The following ITGBL1 variants were observed in gnomAD, a reference collection of about 807,000 sequenced individuals.
ITGBL1 encodes the protein integrin beta-like protein 1.
ITGBL1 carries 51 observed loss-of-function variants against 68.5 expected under a neutral mutation model. That is an observed-to-expected ratio of 0.74 (90% CI 0.59 to 0.94). ITGBL1 has a LOEUF of 0.94. ITGBL1 is among the 40% of genes least tolerant of loss of function. The pLI, the probability that ITGBL1 is intolerant of heterozygous loss-of-function variation, is 0.00. For synonymous variants in ITGBL1, 209 were observed against 227.3 expected (o/e 0.92, Z 0.72); for missense variants, 649 against 647.4 (o/e 1.00, Z -0.03).
chr13:101,643,629 C>T (rs999084618), intron 7 of ITGBL1, among the ~76,000 whole-genome samples: 1 of 152,078 alleles, frequency 6.6e-6, no homozygotes, highest in South Asian at 2.1e-4. Context: ...TTCATTTTCT[C>T]ATATGTAATC....
chr13:101,621,023 G>A (rs1293146053), intron 7 of ITGBL1, among the ~76,000 whole-genome samples: 2 of 152,172 alleles, frequency 1.3e-5, no homozygotes, highest in African/African-American at 4.8e-5. Context: ...TGAAGATGGA[G>A]CAGGTGCTGT....
chr13:101,607,531 T>A (rs929002854), intron 7 of ITGBL1, among the ~76,000 whole-genome samples: 1 of 152,026 alleles, frequency 6.6e-6, no homozygotes, highest in African/African-American at 2.4e-5. Context: ...AAGTTCTAAA[T>A]GCCATAATTT....
intron 6 of ITGBL1, among the ~76,000 whole-genome samples, chr13:101,586,041 C>A (rs986504654): frequency 2.0e-5 from 3 of 152,102 alleles, no homozygotes; most frequent in Non-Finnish European, 2.9e-5. Flanking sequence ...CACTCCTGAA[C>A]TGACACTTCA....
intron 7 of ITGBL1, among the ~76,000 whole-genome samples, chr13:101,622,286 G>A (rs1208276374): frequency 2.6e-5 from 4 of 152,004 alleles, no homozygotes; most frequent in Admixed American, 2.6e-4. Flanking sequence ...CATGATGATG[G>A]TAGTATCATG....
intron 8 of ITGBL1, 167 bp downstream of exon 8, chr13:101,692,868 T>C (rs2033914143): frequency 1.6e-6 from 1 of 617,710 alleles, no homozygotes; most frequent in African/African-American, 1.8e-5. Context: ...GTAATGACTT[T>C]TATTTCCCTG....
At chr13:101,504,070 T>TA (rs761166858) in intron 2 of ITGBL1, among the ~76,000 whole-genome samples, 1 of 152,204 alleles carries the variant, frequency 6.6e-6, no homozygotes, top group African/African-American at 2.4e-5. Context: ...TAAAGGCAAT[T>TA]AAAAAATGAA....
chr13:101,715,709 A>G lies in ITGBL1; in HGVS notation c.*55A>G, dbSNP rs2034691347. The G allele has an allele frequency of 1.8e-6, 2 of 1,106,786 alleles. No homozygotes were observed. Among genetic ancestry groups the G allele is most frequent in the Non-Finnish European group, 2.8e-6 (2 of 717,564 alleles). The allele number at this position is 1,106,786 out of a possible 1,614,324, so 68.6% of individuals were successfully genotyped here. A position where few individuals can be genotyped will look rare whatever the true frequency, so the allele number is the denominator to read the frequency against. On this transcript the variant is annotated 3_prime_UTR_variant, in exon 11 of 11. Coordinates refer to ENST00000376180, the MANE Select transcript of ITGBL1 (RefSeq NM_004791.3). ...TTTTTTCTGGGCCATTAGAACAGAT[A>G]AATGCGAAGGAAACCATGTATATTC...
chr13:101,661,537 G>T (rs771732011), intron 7 of ITGBL1, among the ~76,000 whole-genome samples: 43 of 152,130 alleles, frequency 2.8e-4, no homozygotes, highest in Admixed American at 7.2e-4. Flanking sequence ...CTTGTTTTCG[G>T]GTTTCCTGAA....
chr13:101,465,075 A>T (rs1052278090), intron 2 of ITGBL1, among the ~76,000 whole-genome samples: 9 of 152,240 alleles, frequency 5.9e-5, no homozygotes, highest in African/African-American at 2.2e-4. Context: ...TATGGAGTTA[A>T]CTAAATGCTT....
intron 9 of ITGBL1, among the ~76,000 whole-genome samples, chr13:101,707,678 A>C (rs111862800): frequency 6.8e-6 from 1 of 147,446 alleles, no homozygotes; most frequent in African/African-American, 2.5e-5. Context: ...ACAAAAATCT[A>C]CTCTATTAAA....
chr13:101,541,256 A>G (rs2049693828), intron 2 of ITGBL1, among the ~76,000 whole-genome samples: 1 of 151,414 alleles, frequency 6.6e-6, no homozygotes, highest in South Asian at 2.1e-4. Flanking sequence ...GAGAGTTTTT[A>G]GCATGAAGGG....
intron 2 of ITGBL1, among the ~76,000 whole-genome samples, chr13:101,522,766 T>A (rs545004922): frequency 6.6e-6 from 1 of 152,116 alleles, no homozygotes; most frequent in African/African-American, 2.4e-5. Flanking sequence ...TTGATAAAAA[T>A]GATGACAAGT....
chr13:101,522,288 A>G (rs1044095182), intron 2 of ITGBL1, among the ~76,000 whole-genome samples: 1 of 152,138 alleles, frequency 6.6e-6, no homozygotes, highest in African/African-American at 2.4e-5. Context: ...AAAAATGTCT[A>G]TATTATACTA....
At chr13:101,589,950 G>T (rs905806525) in intron 6 of ITGBL1, among the ~76,000 whole-genome samples, 1 of 152,072 alleles carries the variant, frequency 6.6e-6, no homozygotes, top group Non-Finnish European at 1.5e-5. Flanking sequence ...ATAGCAATGG[G>T]ATATAAAAAT....
chr13:101,479,755 A>G (rs1459015622), intron 2 of ITGBL1, among the ~76,000 whole-genome samples: 2 of 152,090 alleles, frequency 1.3e-5, no homozygotes, highest in Admixed American at 6.5e-5. Context: ...AGCTACAATG[A>G]GATATCGTTT....
intron 7 of ITGBL1, among the ~76,000 whole-genome samples, chr13:101,638,279 G>T (rs927411912): frequency 1.3e-4 from 20 of 152,124 alleles, no homozygotes; most frequent in Non-Finnish European, 2.9e-5. Context: ...CATAGCATGT[G>T]CATGACAAGT....
chr13:101,454,623 A>G (rs1420359834), intron 2 of ITGBL1, among the ~76,000 whole-genome samples: 1 of 152,190 alleles, frequency 6.6e-6, no homozygotes, highest in Non-Finnish European at 1.5e-5. Flanking sequence ...GTTAATGATA[A>G]TATTTGTAGA....
At chr13:101,454,144 C>T (rs2048206561) in intron 2 of ITGBL1, 44 bp downstream of exon 2, 3 of 1,428,578 alleles carry the variant, frequency 2.1e-6, no homozygotes, top group Non-Finnish European at 2.8e-6. Flanking sequence ...GTCGAAACTC[C>T]TCTTCTGGGA....
At chr13:101,693,912 G>A (rs899787136) in intron 8 of ITGBL1, among the ~76,000 whole-genome samples, 4 of 152,098 alleles carry the variant, frequency 2.6e-5, no homozygotes, top group African/African-American at 7.2e-5. Flanking sequence ...CATGCTTAGC[G>A]TCCCAATAAT....
Sources: allele counts gnomAD v4.1 joint callset (sites outside exome capture counted in the v4.1 genomes callset), GRCh38; gene constraint gnomAD v4.1.1; transcripts MANE v1.5; gene names NCBI Gene and HGNC (gene_info 2026-07-23, HGNC 2026-07-21).